VPS13A: variants seen among roughly 807,000 people sequenced by gnomAD.
The protein encoded by VPS13A is vacuolar protein sorting 13 homolog A.
VPS13A carries 264 observed loss-of-function variants against 390.9 expected under a neutral mutation model. That is an observed-to-expected ratio of 0.68 (90% CI 0.61 to 0.75). The LOEUF (loss-of-function observed/expected upper bound fraction) is 0.75, where lower values mean the gene tolerates loss of function less well. Among genes scored for constraint, VPS13A ranks in the 30% least tolerant of loss-of-function variants. The pLI is 0.00. For missense variants in VPS13A, 3,409 were observed against 3,733.9 expected, an observed-to-expected ratio of 0.91 and a Z score of 2.27; for synonymous variants, 1,231 against 1,227.1, an observed-to-expected ratio of 1.00 and a Z score of -0.07.
At position 77,360,286 on chromosome 9, in the gene VPS13A, T is replaced by C. The variant is rs114612948; in HGVS notation, c.8106-250T>C. The stretch of plus-strand genomic sequence containing the variant: ...GTAGCCATAGTTTATTCATTATCAC[T>C]AATATATAATATTCTGTTTTATGAC... On this transcript the variant is annotated intron_variant, in intron 58 of 71. Coordinates refer to ENST00000360280, the MANE Select transcript of VPS13A (RefSeq NM_033305.3). Among the ~76,000 whole-genome samples the C allele has an allele frequency of 5.8e-3, 878 of 152,266 alleles. 10 individuals are homozygous for C. The highest frequency in any genetic ancestry group is 0.02 in the African/African-American group (833 of 41,568).
intron 23 of VPS13A, among the ~76,000 whole-genome samples, chr9:77,270,089 G>C (rs1826260636): frequency 1.3e-5 from 2 of 152,300 alleles, no homozygotes; most frequent in South Asian, 4.1e-4. Flanking sequence ...TGTTATGGCA[G>C]CTCTGGCAAT....
intron 62 of VPS13A, 53 bp downstream of exon 62, chr9:77,368,189 CT>C: frequency 7.0e-7 from 1 of 1,421,030 alleles, no homozygotes. Context: ...CTGGTAAAAC[CT>C]TTTGTGTCTA....
intron 24 of VPS13A, 28 bp from the exon 25 acceptor site, chr9:77,275,470 G>T: frequency 6.2e-7 from 1 of 1,601,888 alleles, no homozygotes; most frequent in Admixed American, 1.7e-5. Context: ...TTTAATTATT[G>T]ACTTAAATAA....
At chr9:77,344,828 A>G (rs1229495648) in intron 51 of VPS13A, among the ~76,000 whole-genome samples, 181 bp from the exon 52 acceptor site, 1 of 152,176 alleles carries the variant, frequency 6.6e-6, no homozygotes, top group East Asian at 1.9e-4. Flanking sequence ...AATGTCACCT[A>G]TCTGTAATAC....
At position 77,416,851 on chromosome 9, in the gene VPS13A, C is replaced by T. The variant is rs983534862; in HGVS notation, c.*845C>T. The stretch of plus-strand genomic sequence containing the variant: ...CCATTCACTGTTAACATGGAATAAA[C>T]ACAATTCCCAACATCTTAGATAGTG... On this transcript the variant is annotated 3_prime_UTR_variant, in exon 72 of 72. Transcript: ENST00000360280. 6.6e-6 allele frequency: 1 copy of T among 152,590 alleles called. No individual in the cohort carries two copies. The highest frequency in any genetic ancestry group is 2.4e-5 in the African/African-American group (1 of 41,436). 9.5% of individuals were successfully genotyped at this position (152,590 alleles called of 1,614,324 possible).
Position 77,351,464 on chromosome 9 carries a change from A to G in VPS13A, c.7419+18A>G, listed in dbSNP as rs1484523291. 4.3e-6 allele frequency: 7 copies of G among 1,611,372 alleles called. No homozygotes were observed. Among genetic ancestry groups the G allele is most frequent in the Non-Finnish European group, 5.9e-6 (7 of 1,178,244 alleles). ...AGAAGGATGTAAGTATTGGGTTATT[A>G]TGGTGTTCCCAGCAGCCTTTTTTAA... is the stretch of plus-strand genomic sequence containing the variant. On this transcript the variant is annotated intron_variant, in intron 53 of 71. Transcript: ENST00000360280.
At chr9:77,274,808 C>T (rs1192224119) in intron 24 of VPS13A, among the ~76,000 whole-genome samples, 1 of 151,936 alleles carries the variant, frequency 6.6e-6, no homozygotes, top group Admixed American at 6.6e-5. Flanking sequence ...TTATAGTCAC[C>T]AGAGAGAAGT....
chr9:77,214,868 A>T (rs549722336), intron 10 of VPS13A, among the ~76,000 whole-genome samples: 32 of 152,314 alleles, frequency 2.1e-4, no homozygotes, highest in African/African-American at 7.2e-4. Context: ...GAAAAAAATC[A>T]GTGCTGTTTC....
At position 77,320,887 on chromosome 9, in the gene VPS13A, C is replaced by A. The variant is rs532744107; in HGVS notation, c.5416-282C>A. ...GCTTTGAAGTATGTGCTTTTATATT[C>A]AGATCCCGGGTACACATAGTAATTT... is the stretch of plus-strand genomic sequence containing the variant. On this transcript the variant is annotated intron_variant, in intron 42 of 71. Transcript: ENST00000360280. Among the ~76,000 whole-genome samples the A allele has an allele frequency of 2.0e-5, 3 of 152,134 alleles. 1 individual carries two copies. In the East Asian group the frequency reaches 5.8e-4, roughly 29 times the overall value.
chr9:77,223,323 A>G (rs111310834), intron 13 of VPS13A, among the ~76,000 whole-genome samples: 14 of 152,240 alleles, frequency 9.2e-5, no homozygotes, highest in African/African-American at 3.4e-4. Flanking sequence ...TAAGTGTTCA[A>G]ATATAAGGAA....
intron 1 of VPS13A, among the ~76,000 whole-genome samples, chr9:77,195,800 C>T (rs2131090365): frequency 6.6e-6 from 1 of 151,522 alleles, no homozygotes. Context: ...CATTCTCTTT[C>T]ACTTATCTTT....
At chr9:77,318,208 T>C (rs756047121) in intron 40 of VPS13A, 27 bp from the exon 41 acceptor site, 8 of 1,390,446 alleles carry the variant, frequency 5.8e-6, no homozygotes, top group Non-Finnish European at 2.0e-6. Context: ...GTGTTTTGTA[T>C]AGACTTATTA....
chr9:77,228,275 A>T lies in VPS13A; in HGVS notation c.1595+11A>T. 6.4e-7 allele frequency: 1 copy of T among 1,573,924 alleles called. No homozygotes were observed. Among genetic ancestry groups the T allele is most frequent in the Non-Finnish European group, 8.6e-7 (1 of 1,158,234 alleles). On this transcript the variant is annotated intron_variant, in intron 17 of 71. Coordinates refer to ENST00000360280, the MANE Select transcript of VPS13A (RefSeq NM_033305.3). ...AGCACAAGCAATAAAGTAAGTATTA[A>T]TTTATCTTTTTTTATCATATATGAA...
At chr9:77,203,733 T>C (rs1345485827) in intron 3 of VPS13A, among the ~76,000 whole-genome samples, 1 of 152,260 alleles carries the variant, frequency 6.6e-6, no homozygotes, top group Non-Finnish European at 1.5e-5. Flanking sequence ...TTAAGCAGTC[T>C]GTTGGTACAT....
intron 1 of VPS13A, among the ~76,000 whole-genome samples, chr9:77,192,501 G>T (rs1364840512): frequency 6.6e-6 from 1 of 152,144 alleles, no homozygotes; most frequent in Non-Finnish European, 1.5e-5. Flanking sequence ...TCCATGGTTA[G>T]TACTCCCTTA....
At chr9:77,207,415 C>G (rs1250778367) in intron 5 of VPS13A, among the ~76,000 whole-genome samples, 3 of 149,426 alleles carry the variant, frequency 2.0e-5, no homozygotes, top group Non-Finnish European at 3.0e-5. Flanking sequence ...ACACACACAT[C>G]CTTTTATGAT....
rs139380985 is a variant in VPS13A, at chr9:77,210,625, C to A, written c.505C>A (p.Arg169=). ...TTTCTTTCCTCTTTAGATCACAAATCGGGACAAACCGCTGTCATTTGGTAT... is the reference window on the plus strand; with the variant it reads ...TTTCTTTCCTCTTTAGATCACAAATAGGGACAAACCGCTGTCATTTGGTAT... The part of the protein sequence containing the change: ...HIRYEDDITN[R]DKPLSFGISL... The change falls in exon 7 of 72, where the codon CGG becomes AGG. Residue 169 remains arginine, a synonymous_variant. Transcript: ENST00000360280. The A allele has an allele frequency of 1.5e-5, 24 of 1,613,548 alleles. No homozygotes were observed. Among genetic ancestry groups the A allele is most frequent in the Non-Finnish European group, 1.9e-5 (23 of 1,179,916 alleles).
At chr9:77,331,340 T>C (rs974525543) in intron 45 of VPS13A, among the ~76,000 whole-genome samples, 1 of 152,112 alleles carries the variant, frequency 6.6e-6, no homozygotes, top group Non-Finnish European at 1.5e-5. Context: ...ACCAGTAGTG[T>C]ATGTGAGTTC....
intron 67 of VPS13A, among the ~76,000 whole-genome samples, chr9:77,372,837 A>C (rs956371001): frequency 1.1e-4 from 16 of 152,286 alleles, no homozygotes; most frequent in African/African-American, 3.9e-4. Flanking sequence ...CTTATACACC[A>C]ACAACAGACA....
Sources: allele counts gnomAD v4.1 joint callset (sites outside exome capture counted in the v4.1 genomes callset), GRCh38; gene constraint gnomAD v4.1.1; transcripts MANE v1.5; gene names NCBI Gene and HGNC (gene_info 2026-07-23, HGNC 2026-07-21).